SPTB: variants seen among roughly 807,000 people sequenced by gnomAD.
The protein encoded by SPTB is spectrin beta chain, erythrocytic.
Under a neutral mutation model 256.2 loss-of-function variants are expected in SPTB, and 45 were observed. That is an observed-to-expected ratio of 0.18 (90% CI 0.14 to 0.23). The LOEUF (loss-of-function observed/expected upper bound fraction) is 0.23, where lower values mean the gene tolerates loss of function less well. SPTB is among the 10% of genes least tolerant of loss of function. The pLI, the probability that SPTB is intolerant of heterozygous loss-of-function variation, is 1.00. For missense variants in SPTB, 2,715 were observed against 3,040.4 expected, an observed-to-expected ratio of 0.89 and a Z score of 2.52; for synonymous variants, 1,231 against 1,243.1, an observed-to-expected ratio of 0.99 and a Z score of 0.21.
Position 64,824,360 on chromosome 14 carries a change from C to T in SPTB, c.-51-1215G>A, listed in dbSNP as rs988296596. ...GAAAGAACACAGAAAGCTTTGAGAA[C>T]TTTAAGAAGTAACGGGAAGGCAGGG... On this transcript the variant is annotated intron_variant, in intron 1 of 35. Transcript: ENST00000644917. The surrounding 1 kb of genome is among the most constrained non-coding windows in gnomAD (Gnocchi z 5.7). Among the ~76,000 whole-genome samples the T allele has an allele frequency of 6.6e-6, 1 of 151,998 alleles. No individual in the cohort carries two copies. The highest frequency in any genetic ancestry group is 1.5e-5 in the Non-Finnish European group (1 of 67,984).
chr14:64,754,133 G>A (rs1482554837), intron 32 of SPTB: 2 of 425,986 alleles, frequency 4.7e-6, no homozygotes, highest in Non-Finnish European at 8.8e-6. Context: ...TGTGAGGGGG[G>A]GCAGGTTCCA....
chr14:64,764,661 A>C lies in SPTB; in HGVS notation c.6345+2065T>G, dbSNP rs536202635. 1.8e-4 allele frequency among the ~76,000 whole-genome samples: 27 copies of C among 152,294 alleles called. No homozygotes were observed. Among genetic ancestry groups the C allele is most frequent in the African/African-American group, 5.8e-4 (24 of 41,568 alleles). On this transcript the variant is annotated intron_variant, in intron 32 of 35. Transcript: ENST00000644917. This position sits in a 1 kb window ranked among gnomAD's most constrained non-coding sequence, Gnocchi z 4.2. Reference sequence around the variant, plus strand: ...CACAGATGACACAGACAGTGGATGGAGTCGCTCTGGTGCTCACAGAGGAGC... The same window carrying C: ...CACAGATGACACAGACAGTGGATGGCGTCGCTCTGGTGCTCACAGAGGAGC...
At chr14:64,817,962 A>G (rs1174125658) in intron 2 of SPTB, among the ~76,000 whole-genome samples, 2 of 152,242 alleles carry the variant, frequency 1.3e-5, no homozygotes, top group Non-Finnish European at 2.9e-5. Flanking sequence ...GTGCAGGGAC[A>G]CAGGCTGTAG....
At chr14:64,797,504 G>GAAAAA (rs1218402712) in intron 10 of SPTB, among the ~76,000 whole-genome samples, 3 of 92,616 alleles carry the variant, frequency 3.2e-5, no homozygotes, top group African/African-American at 7.2e-5. Context: ...AAAAAAAAAG[G>GAAAAA]ACTCAGGGAT....
rs2082957876 is a variant in SPTB, at chr14:64,805,100, G to A, written c.149-10C>T. On this transcript the variant is annotated splice_polypyrimidine_tract_variant and intron_variant, in intron 2 of 35. Coordinates refer to ENST00000644917, the MANE Select transcript of SPTB (RefSeq NM_001355436.2). ...ACAACTTCCCGCTCATCTAGGTGGA[G>A]AGAAGAACCTTGGTGAGGTGCCTGA... is the stretch of plus-strand genomic sequence containing the variant. 1 of 1,614,204 alleles carries A rather than the reference G, an allele frequency of 6.2e-7. No individual in the cohort carries two copies. The highest frequency in any genetic ancestry group is 8.5e-7 in the Non-Finnish European group (1 of 1,180,032).
chr14:64,822,374 T>TCTCTCACACACACACACA (rs1365655327), intron 2 of SPTB, among the ~76,000 whole-genome samples: 1 of 1,016 alleles, frequency 9.8e-4, no homozygotes. Flanking sequence ...TCTCTCTCTC[T>TCTCTCACACACACACACA]CACACACACA....
intron 15 of SPTB, among the ~76,000 whole-genome samples, chr14:64,788,143 A>G (rs1022256294): frequency 2.6e-5 from 4 of 152,208 alleles, no homozygotes; most frequent in African/African-American, 9.6e-5. Context: ...GGATTAAGGC[A>G]GCTGGAAGGA....
chr14:64,801,302 G>A lies in SPTB; in HGVS notation c.746C>T (p.Pro249Leu), dbSNP rs1485478824. ...TGGCTCACCTTCGGGGTCGAGGAGC[G>A]GGATGATGCCCAGCTGGCGCTCAGC... is the stretch of plus-strand genomic sequence containing the variant. ...NVAERQLGII[P>L]LLDPEDVFTE... is the part of the protein sequence containing the mutation. The change falls in exon 7 of 36, where the codon CCG becomes CTG. Residue 249 changes from proline (P) to leucine (L), a missense_variant. Around this residue, in one of 4 missense-constraint regions of SPTB, gnomAD observed 416 missense variants for 571.1 expected, o/e 0.73. Transcript: ENST00000644917. The A allele has an allele frequency of 1.2e-6, 2 of 1,613,904 alleles. No homozygotes were observed. The highest frequency in any genetic ancestry group is 1.1e-5 in the South Asian group (1 of 91,072).
intron 1 of SPTB, among the ~76,000 whole-genome samples, chr14:64,843,433 A>C (rs2083638979): frequency 6.6e-6 from 1 of 152,094 alleles, no homozygotes; most frequent in African/African-American, 2.4e-5. Context: ...TTTATACTTC[A>C]CTGGGGAAAA....
chr14:64,809,106 C>CA (rs1298470522), intron 2 of SPTB, among the ~76,000 whole-genome samples: 1 of 151,540 alleles, frequency 6.6e-6, no homozygotes, highest in Non-Finnish European at 1.5e-5. Flanking sequence ...ATTAAAAATA[C>CA]AAAAAATTAG....
Position 64,803,760 on chromosome 14 carries a change from C to A in SPTB, c.321G>T (p.Lys107Asn), listed in dbSNP as rs768703842. Residue 107 changes from lysine (K) to asparagine (N), a missense_variant, in exon 4 of 36, where the codon AAG (lysine) becomes AAT (asparagine). Physicochemically the swap from Lys to Asn is moderately conservative, Grantham distance 94. Around this residue, in one of 4 missense-constraint regions of SPTB, gnomAD observed 416 missense variants for 571.1 expected, o/e 0.73. Transcript: ENST00000644917. ...GEMLPKPTKGKMRIHCLENVD... is the reference protein window; with the variant it reads ...GEMLPKPTKGNMRIHCLENVD... ...CATTCTCCAGGCAGTGGATGCGCAT[C>A]TTCCCCTTGGTGGGCTTTGGCTGGG... 12 of 1,612,958 alleles carry A rather than the reference C, an allele frequency of 7.4e-6. No homozygotes were observed. Among genetic ancestry groups the A allele is most frequent in the Non-Finnish European group, 1.0e-5 (12 of 1,179,458 alleles).
intron 32 of SPTB, chr14:64,757,593 G>A (rs1467470271): frequency 1.3e-5 from 2 of 152,322 alleles, no homozygotes; most frequent in Non-Finnish European, 2.9e-5. Flanking sequence ...GGCCAAGAAT[G>A]AGGGTGAGAG....
chr14:64,840,828 G>A (rs999161959), intron 1 of SPTB, among the ~76,000 whole-genome samples: 1 of 152,202 alleles, frequency 6.6e-6, no homozygotes, highest in African/African-American at 2.4e-5. Context: ...GGACAGAGAG[G>A]TGGATAGGGC....
intron 1 of SPTB, among the ~76,000 whole-genome samples, chr14:64,843,988 C>G (rs1191003117): frequency 6.6e-6 from 1 of 152,112 alleles, no homozygotes; most frequent in Non-Finnish European, 1.5e-5. Context: ...TTTCAGCCAC[C>G]CTAATGTGTT....
At position 64,794,520 on chromosome 14, in the gene SPTB, C is replaced by G. The variant is rs2082732081; in HGVS notation, c.1742G>C (p.Gly581Ala). 13 of 1,614,148 alleles carry G rather than the reference C, an allele frequency of 8.1e-6. No individual in the cohort carries two copies. Among genetic ancestry groups the G allele is most frequent in the Non-Finnish European group, 1.1e-5 (13 of 1,180,038 alleles). Residue 581 changes from glycine to alanine, a missense_variant, in exon 13 of 36, where the codon GGG becomes GCG. Physicochemically the swap from Gly to Ala is moderately conservative, Grantham distance 60 (BLOSUM62 0). This residue lies in a region of SPTB where 2,239 missense variants were observed against 2,384.4 expected (regional missense o/e 0.94). Coordinates refer to ENST00000644917, the MANE Select transcript of SPTB (RefSeq NM_001355436.2). ...KLMEADIAIQ[G>A]DKVKAITAAT... ...TGCGGTGATGGCCTTCACTTTGTCC[C>G]CTTGGATGGCGATGTCAGCTTCCAT... is the stretch of plus-strand genomic sequence containing the variant.
chr14:64,816,767 T>C lies in SPTB; in HGVS notation c.148+6180A>G, dbSNP rs147607922. On this transcript the variant is annotated intron_variant, in intron 2 of 35. Transcript: ENST00000644917. This position sits in a 1 kb window ranked among gnomAD's most constrained non-coding sequence, Gnocchi z 4.2. ...ATGTTATAAAGGGAAAATGGAAAAT[T>C]GCTACAGATGCTCTGAAAACACCAC... Among the ~76,000 whole-genome samples the C allele has an allele frequency of 1.8e-3, 279 of 152,216 alleles. 2 individuals are homozygous for C. Among genetic ancestry groups the C allele is most frequent in the African/African-American group, 6.0e-3 (249 of 41,518 alleles).
Position 64,774,535 on chromosome 14 carries a change from G to A in SPTB, c.4843-8C>T. On this transcript the variant is annotated splice_polypyrimidine_tract_variant and splice_region_variant and intron_variant, in intron 23 of 35. Coordinates refer to ENST00000644917, the MANE Select transcript of SPTB (RefSeq NM_001355436.2). ...AATGGCGCCCTCTTCATCCTAGGAG[G>A]CAGCAGACGGTCAGCGCCAGAGCTC... The A allele has an allele frequency of 3.2e-6, 5 of 1,552,644 alleles. No homozygotes were observed. Among genetic ancestry groups the A allele is most frequent in the Non-Finnish European group, 4.4e-6 (5 of 1,147,754 alleles).
At chr14:64,787,280 G>T in intron 15 of SPTB, 120 bp from the exon 16 acceptor site, 2 of 1,326,292 alleles carry the variant, frequency 1.5e-6, no homozygotes, top group Non-Finnish European at 1.0e-6. Flanking sequence ...GACTTTGTAT[G>T]ATAAAAAGAA....
At chr14:64,770,820 C>G in intron 27 of SPTB, 65 bp downstream of exon 27, 1 of 1,611,888 alleles carries the variant, frequency 6.2e-7, no homozygotes, top group Non-Finnish European at 8.5e-7. Flanking sequence ...AGTGCAGCAC[C>G]CTGGTTGGCC....
Sources: gnomAD v4.1 joint callset for allele counts (sites outside exome capture counted in the v4.1 genomes callset) on GRCh38, gnomAD v4.1.1 for gene constraint, gnomAD v4.1.1 regional missense constraint, Gnocchi (gnomAD v3.1) non-coding constraint, MANE v1.5 for transcripts, NCBI Gene and HGNC (gene_info 2026-07-23, HGNC 2026-07-21) for gene names.